Variants in GRID1 observed in about 807,000 individuals in gnomAD.
GRID1 encodes the protein glutamate ionotropic receptor delta type subunit 1, also known as glutamate receptor ionotropic, delta-1.
In GRID1, 28 loss-of-function variants were observed where a neutral mutation model predicts 98.0. That is an observed-to-expected ratio of 0.29 (90% CI 0.21 to 0.39). The LOEUF (loss-of-function observed/expected upper bound fraction) is 0.39, where lower values mean the gene tolerates loss of function less well. Ranked by LOEUF, GRID1 falls within the 10% of genes least tolerant of loss-of-function variation. The pLI, the probability that GRID1 is intolerant of heterozygous loss-of-function variation, is 1.00. For missense variants in GRID1, 1,111 were observed against 1,340.5 expected, an observed-to-expected ratio of 0.83 and a Z score of 2.67; for synonymous variants, 553 against 538.5, an observed-to-expected ratio of 1.03 and a Z score of -0.37.
intron 2 of GRID1, among the ~76,000 whole-genome samples, chr10:86,313,258 C>A (rs888596106): frequency 6.6e-6 from 1 of 152,234 alleles, no homozygotes; most frequent in Non-Finnish European, 1.5e-5. Flanking sequence ...CATTACCCAG[C>A]ACTAACCATG....
intron 4 of GRID1, among the ~76,000 whole-genome samples, chr10:86,006,596 G>A (rs892824966): frequency 1.3e-5 from 2 of 151,728 alleles, no homozygotes; most frequent in African/African-American, 2.4e-5. Flanking sequence ...CCAGCCTGGC[G>A]ACAGAGCGAG....
At chr10:85,610,857 G>C (rs922468488) in intron 15 of GRID1, among the ~76,000 whole-genome samples, 1 of 152,198 alleles carries the variant, frequency 6.6e-6, no homozygotes, top group Non-Finnish European at 1.5e-5. Flanking sequence ...ACATTTCCAT[G>C]CAACCCTTCT....
chr10:85,865,912 C>CATATAT (rs375258556), intron 6 of GRID1, among the ~76,000 whole-genome samples: 2,930 of 83,006 alleles, frequency 0.035, 92 homozygotes, highest in Non-Finnish European at 0.044. Flanking sequence ...TACATATATA[C>CATATAT]ATATATATAT....
intron 5 of GRID1, among the ~76,000 whole-genome samples, chr10:85,896,565 T>C (rs543425368): frequency 2.1e-4 from 32 of 152,310 alleles, no homozygotes; most frequent in African/African-American, 7.2e-4. Flanking sequence ...CTAACACATC[T>C]GTGCAAAGGA....
At chr10:86,356,470 A>G (rs1341087136) in intron 2 of GRID1, among the ~76,000 whole-genome samples, 1 of 152,194 alleles carries the variant, frequency 6.6e-6, no homozygotes, top group Non-Finnish European at 1.5e-5. Context: ...CTGTGGCCAC[A>G]TGGCTGGTTG....
chr10:85,737,195 T>C (rs1019106130), intron 8 of GRID1, among the ~76,000 whole-genome samples: 5 of 152,156 alleles, frequency 3.3e-5, no homozygotes, highest in Admixed American at 1.3e-4. Context: ...GTGAAAGACA[T>C]ACTTTCTTAA....
intron 4 of GRID1, among the ~76,000 whole-genome samples, chr10:86,063,986 C>T (rs544074649): frequency 6.6e-6 from 1 of 152,084 alleles, no homozygotes; most frequent in East Asian, 1.9e-4. Flanking sequence ...AGTGTGTCAA[C>T]CCCCGATCTA....
At chr10:86,221,938 T>C (rs1589416122) in intron 2 of GRID1, among the ~76,000 whole-genome samples, 1 of 149,564 alleles carries the variant, frequency 6.7e-6, no homozygotes, top group Non-Finnish European at 1.5e-5. Context: ...GGAACAGGGG[T>C]AGGGAGGGCA....
At chr10:86,088,696 C>T (rs1844100329) in intron 4 of GRID1, among the ~76,000 whole-genome samples, 1 of 152,062 alleles carries the variant, frequency 6.6e-6, no homozygotes, top group Non-Finnish European at 1.5e-5. Context: ...CTAAGTACAA[C>T]TAAAAAGCCC....
chr10:86,117,789 A>G (rs980612461), intron 4 of GRID1, among the ~76,000 whole-genome samples: 2 of 152,270 alleles, frequency 1.3e-5, no homozygotes, highest in African/African-American at 2.4e-5. Context: ...AAGAATGGCC[A>G]TAATCAAAAA....
At chr10:85,863,678 G>A (rs938310381) in intron 6 of GRID1, among the ~76,000 whole-genome samples, 2 of 152,170 alleles carry the variant, frequency 1.3e-5, no homozygotes, top group South Asian at 2.1e-4. Flanking sequence ...CTGCCAGGTC[G>A]ATCCAGCTAA....
chr10:86,126,099 A>C (rs2131962965), intron 4 of GRID1, among the ~76,000 whole-genome samples: 1 of 152,312 alleles, frequency 6.6e-6, no homozygotes, highest in Non-Finnish European at 1.5e-5. Context: ...ACCCACCAAC[A>C]AAAGTAAGAA....
chr10:86,291,987 T>C (rs1483267748), intron 2 of GRID1, among the ~76,000 whole-genome samples: 1 of 152,190 alleles, frequency 6.6e-6, no homozygotes, highest in Non-Finnish European at 1.5e-5. Context: ...CCAGGGCCTA[T>C]TCCTCTCCTT....
At chr10:86,325,441 G>A (rs911418577) in intron 2 of GRID1, among the ~76,000 whole-genome samples, 1 of 152,074 alleles carries the variant, frequency 6.6e-6, no homozygotes, top group Admixed American at 6.5e-5. Context: ...GCTCCCTCTC[G>A]AGACCCAAAA....
chr10:85,890,372 C>T (rs1004456335), intron 5 of GRID1, among the ~76,000 whole-genome samples: 6 of 151,902 alleles, frequency 3.9e-5, no homozygotes, highest in Non-Finnish European at 7.4e-5. Context: ...CATTATACAA[C>T]GTATATGTGC....
At chr10:85,652,617 A>C (rs1242251857) in intron 12 of GRID1, among the ~76,000 whole-genome samples, 1 of 152,074 alleles carries the variant, frequency 6.6e-6, no homozygotes, top group Non-Finnish European at 1.5e-5. Flanking sequence ...TTTCTATCTC[A>C]TGTTTGGCTC....
chr10:86,149,454 C>T (rs1480535686), intron 3 of GRID1, among the ~76,000 whole-genome samples: 4 of 152,200 alleles, frequency 2.6e-5, no homozygotes, highest in Non-Finnish European at 5.9e-5. Flanking sequence ...TTGAATGAGC[C>T]GTACCCACAC....
chr10:85,981,191 C>A (rs1298227144), intron 4 of GRID1, among the ~76,000 whole-genome samples: 1 of 152,208 alleles, frequency 6.6e-6, no homozygotes, highest in Non-Finnish European at 1.5e-5. Context: ...GCACCACCAG[C>A]AGCCAACAGC....
intron 8 of GRID1, among the ~76,000 whole-genome samples, chr10:85,772,649 C>T (rs11498996): frequency 0.045 from 6,840 of 152,060 alleles, 361 homozygotes; most frequent in African/African-American, 0.12. Context: ...ATATCACCAC[C>T]GATCCCACAG....
Sources: gnomAD v4.1 joint callset for allele counts (sites outside exome capture counted in the v4.1 genomes callset) on GRCh38, gnomAD v4.1.1 for gene constraint, MANE v1.5 for transcripts, NCBI Gene and HGNC (gene_info 2026-07-23, HGNC 2026-07-21) for gene names.